MYH11: variants seen among roughly 807,000 people sequenced by gnomAD.
MYH11 encodes myosin heavy chain 11.
In MYH11, 80 loss-of-function variants were observed where a neutral mutation model predicts 246.6. The ratio of observed to expected loss-of-function variants is 0.32; its 90% CI spans 0.27 to 0.39. MYH11 has a LOEUF of 0.39. Among genes scored for constraint, MYH11 ranks in the 10% least tolerant of loss-of-function variants. The probability of loss-of-function intolerance (pLI) is 1.00; values close to 1 mark genes in which losing one functional copy is unlikely to be tolerated. For synonymous variants in MYH11, 1,071 were observed against 1,015.5 expected (o/e 1.05, Z -1.04); for missense variants, 2,158 against 2,546.8 (o/e 0.85, Z 3.29).
intron 3 of MYH11, among the ~76,000 whole-genome samples, chr16:15,814,272 T>G (rs12919510): frequency 0.53 from 78,698 of 149,330 alleles, 23,083 homozygotes; most frequent in African/African-American, 0.81. Flanking sequence ...CAAGAAAAAG[T>G]CCAGACACCG....
rs371581038 is a variant in MYH11 at position 15,717,252 on chromosome 16, G to T, written c.5392C>A (p.Arg1798=). Reference sequence around the variant, plus strand: ...CCCTCCATCTCGTGGAGCTTGCTCCGGAGCTCCTTGTTCTGCCGCTCGAGC... The same window carrying T: ...CCCTCCATCTCGTGGAGCTTGCTCCTGAGCTCCTTGTTCTGCCGCTCGAGC... ...QQLERQNKEL[R]SKLHEMEGAV... is the part of the protein sequence containing the mutation. The change falls in exon 38 of 41, where the codon CGG becomes AGG. Residue 1798 remains arginine, a synonymous_variant. Transcript: ENST00000300036. 3 of 1,614,122 alleles carry T rather than the reference G, an allele frequency of 1.9e-6. No homozygotes were observed. The highest frequency in any genetic ancestry group is 2.5e-6 in the Non-Finnish European group (3 of 1,180,040).
intron 14 of MYH11, among the ~76,000 whole-genome samples, chr16:15,753,940 T>TC (rs2041643550): frequency 6.6e-6 from 1 of 152,024 alleles, no homozygotes; most frequent in Non-Finnish European, 1.5e-5. Flanking sequence ...GCGTGGTGGT[T>TC]CACACTGGTA....
chr16:15,768,074 G>A (rs1370101201), intron 9 of MYH11, among the ~76,000 whole-genome samples: 12 of 151,952 alleles, frequency 7.9e-5, no homozygotes, highest in Admixed American at 2.6e-4. Context: ...CATTATGCCC[G>A]GCTCCTGCCG....
At chr16:15,847,385 G>T (rs2044221039) in intron 1 of MYH11, among the ~76,000 whole-genome samples, 1 of 151,648 alleles carries the variant, frequency 6.6e-6, no homozygotes, top group African/African-American at 2.4e-5. Context: ...CAAATAGTTG[G>T]GACCACAGGC....
At chr16:15,846,271 G>A (rs1354824628) in intron 1 of MYH11, among the ~76,000 whole-genome samples, 3 of 152,064 alleles carry the variant, frequency 2.0e-5, no homozygotes, top group South Asian at 2.1e-4. Context: ...AATAGGACTC[G>A]AATCAGGTGA....
At chr16:15,735,714 C>A in intron 25 of MYH11, 136 bp from the exon 26 acceptor site, 1 of 834,064 alleles carries the variant, frequency 1.2e-6, no homozygotes, top group Non-Finnish European at 2.0e-6. Flanking sequence ...GTCCCCAGGT[C>A]TGCTTCTTGA....
At position 15,753,422 on chromosome 16, in the gene MYH11, G is replaced by T. The variant is rs757513207; in HGVS notation, c.1836C>A (p.Asp612Glu). ...NVTSLLNASS[D>E]KFVADLWKDV... The stretch of plus-strand genomic sequence containing the variant: ...CCTTCCACAGGTCGGCCACAAACTT[G>T]TCGGAGGAGGCATTGAGCAGGGAAG... Residue 612 changes from aspartate (D) to glutamate (E), a missense_variant, in exon 15 of 41, where the codon GAC becomes GAA. Physicochemically the swap from Asp to Glu is conservative, Grantham distance 45. This residue lies in a region of MYH11 where 317 missense variants were observed against 507.7 expected (regional missense o/e 0.62). Transcript: ENST00000300036. 2 of 1,614,004 alleles carry T rather than the reference G, an allele frequency of 1.2e-6. No individual in the cohort carries two copies. Among genetic ancestry groups the T allele is most frequent in the African/African-American group, 2.7e-5 (2 of 74,904 alleles).
intron 40 of MYH11, among the ~76,000 whole-genome samples, chr16:15,710,704 C>T (rs567322095): frequency 1.3e-5 from 2 of 150,690 alleles, no homozygotes; most frequent in Non-Finnish European, 3.0e-5. Context: ...TTTTTGGAGA[C>T]AGAGTCTTGC....
At chr16:15,751,595 T>A (rs1354347422) in intron 15 of MYH11, among the ~76,000 whole-genome samples, 1 of 151,174 alleles carries the variant, frequency 6.6e-6, no homozygotes, top group Non-Finnish European at 1.5e-5. Context: ...TCTACTCAGA[T>A]TCTGTGTAAC....
rs138423465 is a variant in MYH11 at position 15,765,336 on chromosome 16, A to T, written c.1034-1445T>A. ...ATAGACGGATGATGGATGGATGGATAGAGGATAGATGGATAGATGGAATGG... is the reference window on the plus strand; with the variant it reads ...ATAGACGGATGATGGATGGATGGATTGAGGATAGATGGATAGATGGAATGG... On this transcript the variant is annotated intron_variant, in intron 9 of 40. Coordinates refer to ENST00000300036, the MANE Select transcript of MYH11 (RefSeq NM_002474.3). Among the ~76,000 whole-genome samples the T allele has an allele frequency of 6.3e-4, 96 of 152,036 alleles. 1 individual carries two copies. Among genetic ancestry groups the T allele is most frequent in the African/African-American group, 2.1e-3 (87 of 41,492 alleles).
At chr16:15,778,651 G>C in intron 7 of MYH11, 129 bp downstream of exon 7, 1 of 946,810 alleles carries the variant, frequency 1.1e-6, no homozygotes, top group Non-Finnish European at 1.7e-6. Flanking sequence ...CTGTTAAGGG[G>C]AGATTTGTTC....
At chr16:15,718,995 G>C (rs544391016) in intron 36 of MYH11, 1 of 578,108 alleles carries the variant, frequency 1.7e-6, no homozygotes, top group African/African-American at 1.9e-5. Flanking sequence ...AGGCATGGTG[G>C]TACACACCTG....
At chr16:15,852,901 T>C (rs997844260) in intron 1 of MYH11, among the ~76,000 whole-genome samples, 1 of 152,168 alleles carries the variant, frequency 6.6e-6, no homozygotes, top group Non-Finnish European at 1.5e-5. Context: ...GAAGCCTAAT[T>C]TACTCAGAGA....
At chr16:15,827,223 A>G (rs1466040005) in intron 2 of MYH11, among the ~76,000 whole-genome samples, 1 of 152,176 alleles carries the variant, frequency 6.6e-6, no homozygotes. Flanking sequence ...AGACAAGTAC[A>G]TTAAAACACG....
In MYH11 at chr16:15,703,702, G is replaced by T; in HGVS notation, c.*289C>A. ...GTCCTGGGCTGGAGCGTTCTTCCTG[G>T]CTCAGCCTCCCTAGTAGCTGGGACC... On this transcript the variant is annotated 3_prime_UTR_variant, in exon 41 of 41. Coordinates refer to ENST00000300036, the MANE Select transcript of MYH11 (RefSeq NM_002474.3). 2.2e-6 allele frequency: 1 copy of T among 462,964 alleles called. No individual in the cohort carries two copies. Among genetic ancestry groups the T allele is most frequent in the Non-Finnish European group, 4.0e-6 (1 of 250,268 alleles). 28.7% of individuals were successfully genotyped at this position (462,964 alleles called of 1,614,324 possible). A position where few individuals can be genotyped will look rare whatever the true frequency, so the allele number is the denominator to read the frequency against.
intron 13 of MYH11, among the ~76,000 whole-genome samples, chr16:15,757,492 G>A: frequency 9.8e-6 from 1 of 101,754 alleles, no homozygotes. Flanking sequence ...CTGGGCAACA[G>A]AGTCAGACCA....
chr16:15,715,322 T>G (rs1372123723), intron 38 of MYH11, 50 bp from the exon 39 acceptor site: 1 of 1,578,498 alleles, frequency 6.3e-7, no homozygotes, highest in East Asian at 2.2e-5. Context: ...TGGCACCCCT[T>G]GTAGCTGGTG....
intron 3 of MYH11, among the ~76,000 whole-genome samples, chr16:15,815,357 T>G (rs1366444790): frequency 2.0e-5 from 3 of 152,108 alleles, no homozygotes; most frequent in Non-Finnish European, 4.4e-5. Flanking sequence ...AAAAAGAATG[T>G]CATATGAAAG....
chr16:15,828,038 C>T (rs957036687), intron 2 of MYH11, among the ~76,000 whole-genome samples: 1 of 152,200 alleles, frequency 6.6e-6, no homozygotes, highest in African/African-American at 2.4e-5. Context: ...TGTCCTCACT[C>T]AAGCCCTTGA....
Sources: allele counts gnomAD v4.1 joint callset (sites outside exome capture counted in the v4.1 genomes callset), GRCh38; gene constraint gnomAD v4.1.1; regional missense constraint gnomAD v4.1.1; transcripts MANE v1.5; gene names NCBI Gene and HGNC (gene_info 2026-07-23, HGNC 2026-07-21).